Variants in SASH1 observed in about 807,000 individuals in gnomAD.
The protein encoded by SASH1 is SAM and SH3 domain-containing protein 1.
A neutral mutation model predicts 125.2 loss-of-function variants in SASH1; 44 were observed. The ratio of observed to expected loss-of-function variants is 0.35; its 90% CI spans 0.28 to 0.45. The LOEUF (loss-of-function observed/expected upper bound fraction) is 0.45. Ranked by LOEUF, SASH1 falls within the 20% of genes least tolerant of loss-of-function variation. The pLI is 1.00. For missense variants in SASH1, 1,426 were observed against 1,614.5 expected (o/e 0.88, Z 2.00); for synonymous variants, 639 against 649.1 (o/e 0.98, Z 0.24).
At chr6:148,486,627 G>A (rs1778856304) in intron 7 of SASH1, among the ~76,000 whole-genome samples, 1 of 151,098 alleles carries the variant, frequency 6.6e-6, no homozygotes, top group Admixed American at 6.6e-5. Context: ...TTAAAAATCT[G>A]TTTCAGGGTC....
chr6:148,535,027 T>TATGA, intron 16 of SASH1, 126 bp downstream of exon 16: 1 of 1,129,238 alleles, frequency 8.9e-7, no homozygotes, highest in African/African-American at 1.5e-5. Flanking sequence ...GTTACAAGAG[T>TATGA]ATGACAGTAA....
chr6:148,391,422 TA>T (rs398038813), intron 2 of SASH1, among the ~76,000 whole-genome samples: 40,396 of 114,378 alleles, frequency 0.35, 6,122 homozygotes, highest in Middle Eastern at 0.49. Context: ...GACACTTTTA[TA>T]AAAAAAAAAA....
At chr6:148,228,106 T>C in the SASH1 span, among the ~76,000 whole-genome samples, 2 of 152,210 alleles carry the variant, frequency 1.3e-5, no homozygotes, top group Non-Finnish European at 2.9e-5. Context: ...CATACAATTT[T>C]TGATGTGCCT....
chr6:148,195,732 C>T, the SASH1 span, among the ~76,000 whole-genome samples: 1 of 152,180 alleles, frequency 6.6e-6, no homozygotes, highest in Non-Finnish European at 1.5e-5. Flanking sequence ...TCTTACGCGC[C>T]TTTTAGTCTG....
intron 1 of SASH1, among the ~76,000 whole-genome samples, chr6:148,382,860 A>C (rs148591559): frequency 2.7e-4 from 41 of 152,370 alleles, no homozygotes; most frequent in African/African-American, 9.1e-4. Context: ...GCCTCACTCC[A>C]GCCACCTGCC....
At chr6:148,349,234 ATTCTTTCTTCT>A (rs1231620859) in intron 1 of SASH1, among the ~76,000 whole-genome samples, 13,376 of 84,110 alleles carry the variant, frequency 0.16, 1,404 homozygotes, top group South Asian at 0.28. Context: ...TTTTTATTTC[ATTCTTTCTTCT>A]TTCTTTCTTT....
intron 2 of SASH1, among the ~76,000 whole-genome samples, chr6:148,427,543 T>C (rs1319704382): frequency 3.4e-5 from 4 of 119,378 alleles, no homozygotes; most frequent in African/African-American, 1.3e-4. Context: ...TGCAAAATGC[T>C]TGGTATGTGG....
intron 8 of SASH1, among the ~76,000 whole-genome samples, chr6:148,502,039 G>A (rs1327738594): frequency 1.3e-5 from 2 of 152,154 alleles, no homozygotes; most frequent in Non-Finnish European, 2.9e-5. Flanking sequence ...TGCCCCAAAG[G>A]AATGGTAATA....
chr6:148,236,468 T>A, the SASH1 span, among the ~76,000 whole-genome samples: 2 of 152,094 alleles, frequency 1.3e-5, no homozygotes, highest in Non-Finnish European at 2.9e-5. Flanking sequence ...TGTCTCAGCC[T>A]CCCAGAGTGC....
At chr6:148,545,948 G>A in intron 18 of SASH1, 67 bp from the exon 19 acceptor site, 4 of 1,490,896 alleles carry the variant, frequency 2.7e-6, no homozygotes, top group Non-Finnish European at 3.7e-6. Context: ...TATATGTGGT[G>A]TATCTTAGGG....
At chr6:148,514,725 G>A (rs1296437473) in intron 9 of SASH1, among the ~76,000 whole-genome samples, 6 of 151,618 alleles carry the variant, frequency 4.0e-5, no homozygotes, top group African/African-American at 1.4e-4. Context: ...TTTTCTCGAG[G>A]TGTAGTATAG....
At chr6:148,328,868 G>T (rs553716456) in intron 1 of SASH1, among the ~76,000 whole-genome samples, 7 of 152,252 alleles carry the variant, frequency 4.6e-5, no homozygotes, top group Middle Eastern at 6.8e-3. Flanking sequence ...TCACTAAAAA[G>T]TAGCTCTTTT....
intron 1 of SASH1, among the ~76,000 whole-genome samples, chr6:148,379,462 G>C (rs1783045705): frequency 6.6e-6 from 1 of 152,108 alleles, no homozygotes; most frequent in South Asian, 2.1e-4. Context: ...GAGGTCAGTA[G>C]GGACAAGAAT....
At chr6:148,454,814 C>T (rs1777261581) in intron 4 of SASH1, among the ~76,000 whole-genome samples, 1 of 152,192 alleles carries the variant, frequency 6.6e-6, no homozygotes, top group South Asian at 2.1e-4. Context: ...CTTCCACTTT[C>T]TAAATTCTTT....
chr6:148,272,260 T>C, upstream of SASH1: 1 of 439,180 alleles, frequency 2.3e-6, no homozygotes, highest in Non-Finnish European at 4.9e-6. Flanking sequence ...GAAAACAGAT[T>C]CCCATTTAGA....
chr6:148,265,929 C>A, the SASH1 span, among the ~76,000 whole-genome samples: 1 of 151,976 alleles, frequency 6.6e-6, no homozygotes, highest in Non-Finnish European at 1.5e-5. Context: ...AGTGGTAATA[C>A]AATTCAAGGA....
At chr6:148,523,600 A>T (rs904352969) in intron 10 of SASH1, among the ~76,000 whole-genome samples, 2 of 151,960 alleles carry the variant, frequency 1.3e-5, no homozygotes, top group African/African-American at 4.8e-5. Context: ...CAGCTCTGAG[A>T]CCTCCTGATG....
chr6:148,511,710 G>A (rs985797355), intron 8 of SASH1, among the ~76,000 whole-genome samples: 3 of 152,280 alleles, frequency 2.0e-5, no homozygotes, highest in Middle Eastern at 3.4e-3. Flanking sequence ...TATGAGGAAG[G>A]CATTGCCTTT....
At chr6:148,394,131 G>T (rs979432063) in intron 2 of SASH1, among the ~76,000 whole-genome samples, 1 of 152,030 alleles carries the variant, frequency 6.6e-6, no homozygotes, top group Non-Finnish European at 1.5e-5. Flanking sequence ...GACCTCAGAT[G>T]ATCCTCCCGG....
Sources: gnomAD v4.1 joint callset for allele counts (sites outside exome capture counted in the v4.1 genomes callset) on GRCh38, gnomAD v4.1.1 for gene constraint, MANE v1.5 for transcripts, NCBI Gene and HGNC (gene_info 2026-07-23, HGNC 2026-07-21) for gene names.